Variants in TRIM51G observed in about 807,000 individuals in gnomAD.
TRIM51G encodes the protein tripartite motif-containing protein 51G.
the TRIM51G span, among the ~76,000 whole-genome samples, chr11:48,977,704 C>G: frequency 6.6e-6 from 1 of 152,054 alleles, no homozygotes; most frequent in African/African-American, 2.4e-5. Context: ...AACTAGAAAT[C>G]ATCAACACTT....
the TRIM51G span, among the ~76,000 whole-genome samples, chr11:48,983,349 G>T: frequency 6.6e-6 from 1 of 150,632 alleles, no homozygotes; most frequent in African/African-American, 2.4e-5. Flanking sequence ...ACTCATCATT[G>T]CCTCAGTAAC....
At chr11:48,981,313 G>C in the TRIM51G span, 8 of 1,606,188 alleles carry the variant, frequency 5.0e-6, no homozygotes, top group African/African-American at 9.4e-5. Flanking sequence ...CCACTCAGTG[G>C]GACAGTGTCT....
the TRIM51G span, chr11:48,980,957 A>C: frequency 3.9e-6 from 2 of 512,864 alleles, no homozygotes; most frequent in South Asian, 1.5e-5. Context: ...TGTGATTTTC[A>C]CACATTTTTC....
the TRIM51G span, chr11:48,981,473 A>G: frequency 1.9e-6 from 3 of 1,607,368 alleles, no homozygotes; most frequent in Non-Finnish European, 2.6e-6. Context: ...CTGGCAATGG[A>G]AGCCATGTTC....
At chr11:48,980,828 A>G in the TRIM51G span, 1 of 428,780 alleles carries the variant, frequency 2.3e-6, no homozygotes, top group Non-Finnish European at 4.7e-6. Flanking sequence ...TTATGGGTTG[A>G]GATCAAGTTC....
chr11:48,978,103 TGAAA>T, the TRIM51G span: 1 of 507,748 alleles, frequency 2.0e-6, no homozygotes, highest in Non-Finnish European at 4.1e-6. Flanking sequence ...TTGTGGAAAC[TGAAA>T]GAATCTGCTA....
the TRIM51G span, chr11:48,977,135 A>C: frequency 3.1e-6 from 4 of 1,308,348 alleles, no homozygotes; most frequent in Non-Finnish European, 4.4e-6. Flanking sequence ...CCCTGCACTG[A>C]ACTCTGGATT....
At chr11:48,981,222 A>C in the TRIM51G span, 1 of 1,591,642 alleles carries the variant, frequency 6.3e-7, no homozygotes, top group Non-Finnish European at 8.6e-7. Context: ...ATCTCGAAGG[A>C]AATAGGCTGA....
the TRIM51G span, chr11:48,975,935 T>A: frequency 4.1e-6 from 3 of 736,968 alleles, no homozygotes; most frequent in Non-Finnish European, 7.5e-6. Context: ...ACCTTCATGC[T>A]TCTCAAATCT....
At chr11:48,981,313 G>A in the TRIM51G span, 30 of 1,606,306 alleles carry the variant, frequency 1.9e-5, no homozygotes, top group East Asian at 5.4e-4. Context: ...CCACTCAGTG[G>A]GACAGTGTCT....
At chr11:48,979,740 T>A in the TRIM51G span, among the ~76,000 whole-genome samples, 5 of 151,518 alleles carry the variant, frequency 3.3e-5, no homozygotes, top group African/African-American at 1.2e-4. Context: ...TATAGGTATA[T>A]ATGGATATTT....
chr11:48,976,146 G>C, the TRIM51G span: 1 of 336,788 alleles, frequency 3.0e-6, no homozygotes, highest in South Asian at 2.5e-5. Flanking sequence ...ATTTAAGAAA[G>C]TATAAGGATG....
the TRIM51G span, chr11:48,979,044 A>G: frequency 1.0e-6 from 1 of 971,006 alleles, no homozygotes; most frequent in Non-Finnish European, 1.7e-6. Context: ...TTCATGGAAA[A>G]ATGCAACCAT....
chr11:48,975,939 C>T, the TRIM51G span: 1 of 733,716 alleles, frequency 1.4e-6, no homozygotes, highest in Non-Finnish European at 2.5e-6. Flanking sequence ...TCATGCTTCT[C>T]AAATCTCCAT....
the TRIM51G span, chr11:48,975,597 C>G: frequency 7.2e-7 from 1 of 1,387,376 alleles, no homozygotes; most frequent in Non-Finnish European, 1.0e-6. Context: ...CAACAAAGCT[C>G]ACGGTCCTAC....
chr11:48,979,530 C>T, the TRIM51G span, among the ~76,000 whole-genome samples: 2 of 152,046 alleles, frequency 1.3e-5, no homozygotes, highest in Non-Finnish European at 2.9e-5. Context: ...GCATTTCACC[C>T]AGCATAACAT....
At chr11:48,981,999 T>A in the TRIM51G span, among the ~76,000 whole-genome samples, 2 of 152,146 alleles carry the variant, frequency 1.3e-5, no homozygotes, top group Admixed American at 1.3e-4. Context: ...GGTTTTAATC[T>A]TAAGTGGTCT....
At chr11:48,981,081 T>G in the TRIM51G span, 2 of 906,886 alleles carry the variant, frequency 2.2e-6, no homozygotes, top group Non-Finnish European at 3.4e-6. Flanking sequence ...GGACCCAAAA[T>G]GAGAGACAAA....
the TRIM51G span, among the ~76,000 whole-genome samples, chr11:48,983,494 C>T: frequency 8.6e-5 from 13 of 151,892 alleles, no homozygotes; most frequent in East Asian, 5.8e-4. Context: ...TTCCATATAT[C>T]CATGATGCAT....
Sources: allele counts gnomAD v4.1 joint callset (sites outside exome capture counted in the v4.1 genomes callset), GRCh38; gene constraint gnomAD v4.1.1; transcripts MANE v1.5; gene names NCBI Gene and HGNC (gene_info 2026-07-23, HGNC 2026-07-21).